Variants in SDK1 observed in about 807,000 individuals in gnomAD.
The protein encoded by SDK1 is sidekick cell adhesion molecule 1.
A neutral mutation model predicts 245.5 loss-of-function variants in SDK1; 157 were observed. The observed-to-expected ratio is 0.64, with a 90% CI of 0.56 to 0.73. The LOEUF is 0.73. SDK1 is among the 30% of genes least tolerant of loss of function. The probability of loss-of-function intolerance (pLI) is 0.00; values close to 1 mark genes in which losing one functional copy is unlikely to be tolerated. For synonymous variants in SDK1, 1,647 were observed against 1,278.5 expected (o/e 1.29, Z -6.15); for missense variants, 3,583 against 3,002.3 (o/e 1.19, Z -4.52).
chr7:3,792,613 CCCAT>C (rs3084872), intron 4 of SDK1, among the ~76,000 whole-genome samples: 142,802 of 148,528 alleles, frequency 0.96, 68,601 homozygotes, highest in East Asian at 1. Flanking sequence ...CTTTCTCCCT[CCCAT>C]CCATCCATCC....
chr7:3,904,200 T>G lies in SDK1; in HGVS notation c.848-46723T>G, dbSNP rs56398165. ...AAGCTAGACACAAAGACCCACATACTGCATGAATCAGTTTATATGAAATGT... is the reference window on the plus strand; with the variant it reads ...AAGCTAGACACAAAGACCCACATACGGCATGAATCAGTTTATATGAAATGT... On this transcript the variant is annotated intron_variant, in intron 5 of 44. Transcript: ENST00000404826. Among the ~76,000 whole-genome samples, 824 of 152,292 alleles carry G rather than the reference T, an allele frequency of 5.4e-3. 6 individuals carry two copies. The highest frequency in any genetic ancestry group is 0.018 in the African/African-American group (768 of 41,556).
intron 1 of SDK1, among the ~76,000 whole-genome samples, chr7:3,597,341 C>A (rs1394180528): frequency 6.6e-6 from 1 of 150,570 alleles, no homozygotes; most frequent in Non-Finnish European, 1.5e-5. Flanking sequence ...TCACTTTGTA[C>A]TGAGAAAACT....
intron 25 of SDK1, among the ~76,000 whole-genome samples, chr7:4,126,647 G>A (rs1162120580): frequency 6.6e-6 from 1 of 152,236 alleles, no homozygotes; most frequent in Non-Finnish European, 1.5e-5. Context: ...CTTGAACCCA[G>A]GAGGCGAAGT....
intron 5 of SDK1, among the ~76,000 whole-genome samples, chr7:3,945,816 G>A (rs774301526): frequency 7.0e-6 from 1 of 142,108 alleles, no homozygotes; most frequent in African/African-American, 2.6e-5. Context: ...GGAGAATGGT[G>A]TGAACCTGGG....
chr7:3,838,278 T>A (rs1307097509), intron 5 of SDK1, among the ~76,000 whole-genome samples: 2 of 152,184 alleles, frequency 1.3e-5, no homozygotes, highest in Admixed American at 1.3e-4. Context: ...GGTGAGATGG[T>A]CATCTAGATG....
intron 1 of SDK1, among the ~76,000 whole-genome samples, chr7:3,509,067 G>GGTGTGTGT (rs911519846): frequency 5.6e-5 from 8 of 143,410 alleles, no homozygotes; most frequent in African/African-American, 1.9e-4. Context: ...AGGAAGGTGG[G>GGTGTGTGT]GTGTGTGTGT....
At chr7:3,916,517 A>G (rs1419538565) in intron 5 of SDK1, among the ~76,000 whole-genome samples, 1 of 152,178 alleles carries the variant, frequency 6.6e-6, no homozygotes, top group Non-Finnish European at 1.5e-5. Context: ...AAGATGATGG[A>G]AAGTCAACTG....
At chr7:3,405,393 A>G (rs1206371714) in intron 1 of SDK1, among the ~76,000 whole-genome samples, 1 of 152,166 alleles carries the variant, frequency 6.6e-6, no homozygotes, top group Non-Finnish European at 1.5e-5. Context: ...TGAAGTGCCC[A>G]AGTTGCATGC....
intron 1 of SDK1, among the ~76,000 whole-genome samples, chr7:3,341,613 A>G (rs1183699168): frequency 6.6e-6 from 1 of 152,252 alleles, no homozygotes; most frequent in Non-Finnish European, 1.5e-5. Context: ...TAGTTGCTGC[A>G]TACAGGATCA....
At chr7:3,779,228 T>C (rs1276668548) in intron 4 of SDK1, among the ~76,000 whole-genome samples, 1 of 151,938 alleles carries the variant, frequency 6.6e-6, no homozygotes, top group African/African-American at 2.4e-5. Context: ...AGAGCTGGAG[T>C]TGGCCAACTT....
chr7:3,979,134 G>T (rs891276026), intron 13 of SDK1, among the ~76,000 whole-genome samples: 5 of 152,164 alleles, frequency 3.3e-5, no homozygotes, highest in Non-Finnish European at 7.3e-5. Flanking sequence ...CTACTTGTGT[G>T]ACTTTGGACA....
intron 1 of SDK1, among the ~76,000 whole-genome samples, chr7:3,526,962 G>C (rs905484772): frequency 6.6e-6 from 1 of 152,174 alleles, no homozygotes; most frequent in Non-Finnish European, 1.5e-5. Context: ...GAGGTTGTCA[G>C]TTAACTTGCT....
intron 1 of SDK1, 104 bp from the exon 2 acceptor site, chr7:3,618,976 C>A: frequency 1.0e-6 from 1 of 989,762 alleles, no homozygotes; most frequent in Non-Finnish European, 1.5e-6. Context: ...CCATCACTTT[C>A]ATTTTAATAT....
chr7:3,468,574 C>T (rs780518857), intron 1 of SDK1, among the ~76,000 whole-genome samples: 2 of 152,178 alleles, frequency 1.3e-5, no homozygotes, highest in African/African-American at 2.4e-5. Flanking sequence ...GTCTGACCTA[C>T]GGTGTTTGAC....
At chr7:3,503,894 G>A (rs969233267) in intron 1 of SDK1, among the ~76,000 whole-genome samples, 1 of 152,036 alleles carries the variant, frequency 6.6e-6, no homozygotes, top group Non-Finnish European at 1.5e-5. Flanking sequence ...GCTCATGCCC[G>A]TAATCCTAGC....
chr7:3,622,200 C>T (rs1005850065), intron 2 of SDK1, among the ~76,000 whole-genome samples: 12 of 152,074 alleles, frequency 7.9e-5, no homozygotes, highest in African/African-American at 1.9e-4. Flanking sequence ...TTTGTAGGCC[C>T]GGCGCAGTGG....
intron 4 of SDK1, among the ~76,000 whole-genome samples, chr7:3,732,822 T>C (rs913282837): frequency 3.9e-5 from 6 of 152,200 alleles, no homozygotes; most frequent in African/African-American, 1.4e-4. Context: ...TTAAATATCC[T>C]TGAGATGCAG....
At chr7:3,395,590 T>G (rs1387076565) in intron 1 of SDK1, among the ~76,000 whole-genome samples, 1 of 152,028 alleles carries the variant, frequency 6.6e-6, no homozygotes, top group East Asian at 1.9e-4. Flanking sequence ...CTTCAGTGTT[T>G]GATGAAATTC....
At chr7:3,314,545 C>T (rs575384904) in intron 1 of SDK1, among the ~76,000 whole-genome samples, 2 of 152,240 alleles carry the variant, frequency 1.3e-5, no homozygotes, top group Admixed American at 1.3e-4. Flanking sequence ...GAGATTGTAG[C>T]CATTTGCATT....
Sources: gnomAD v4.1 joint callset for allele counts (sites outside exome capture counted in the v4.1 genomes callset) on GRCh38, gnomAD v4.1.1 for gene constraint, MANE v1.5 for transcripts, NCBI Gene and HGNC (gene_info 2026-07-23, HGNC 2026-07-21) for gene names.